Variants in CXCR4 observed in about 807,000 individuals in gnomAD.
CXCR4 encodes the protein C-X-C motif chemokine receptor 4.
In CXCR4, 6 loss-of-function variants were observed where a neutral mutation model predicts 22.4. The observed-to-expected ratio is 0.27, with a 90% confidence interval of 0.15 to 0.53. The LOEUF (loss-of-function observed/expected upper bound fraction) is 0.53, where lower values mean the gene tolerates loss of function less well. Among genes scored for constraint, CXCR4 ranks in the 20% least tolerant of loss-of-function variants. The probability of loss-of-function intolerance (pLI) is 0.96; values close to 1 mark genes in which losing one functional copy is unlikely to be tolerated. For synonymous variants in CXCR4, 155 were observed against 171.7 expected, an observed-to-expected ratio of 0.90 and a Z score of 0.76; for missense variants, 300 against 430.4, an observed-to-expected ratio of 0.70 and a Z score of 2.68.
At position 136,114,397 on chromosome 2, in the gene CXCR4, T is replaced by C. The variant is rs1186086493; in HGVS notation, c.*472A>G. 8.7e-6 allele frequency: 2 copies of C among 230,768 alleles called. No homozygotes were observed. The highest frequency in any genetic ancestry group is 4.5e-5 in the African/African-American group (2 of 44,804). The allele number at this position is 230,768 out of a possible 1,614,324, so 14.3% of individuals were successfully genotyped here. Reference sequence around the variant, plus strand: ...AACAACTTAATACAAGACTGTACACTGTAGGTGCTGAAATCAACCCACTCC... The same window carrying C: ...AACAACTTAATACAAGACTGTACACCGTAGGTGCTGAAATCAACCCACTCC... On this transcript the variant is annotated 3_prime_UTR_variant, in exon 2 of 2. Coordinates refer to ENST00000241393, the MANE Select transcript of CXCR4 (RefSeq NM_003467.3).
intron 1 of CXCR4, 51 bp downstream of exon 1, chr2:136,117,995 A>G (rs1684965978): frequency 6.3e-7 from 1 of 1,598,540 alleles, no homozygotes; most frequent in African/African-American, 1.3e-5. Context: ...GCTGCGCTCT[A>G]AGTTCAAACG....
chr2:136,115,374 A>G lies in CXCR4; in HGVS notation c.554T>C (p.Ile185Thr), dbSNP rs748827835. The change falls in exon 2 of 2, where the codon ATC becomes ACC. Residue 185 changes from isoleucine (I) to threonine (T), a missense_variant. By Grantham distance (89) the Ile-to-Thr change is moderately conservative. Coordinates refer to ENST00000241393, the MANE Select transcript of CXCR4 (RefSeq NM_003467.3). This position sits in a 1 kb window ranked among gnomAD's most constrained non-coding sequence, Gnocchi z 6.4. ...GTCATTGGGGTAGAAGCGGTCACAG[A>G]TATATCTGTCATCTGCCTCACTGAC... The part of the protein sequence containing the change: ...ANVSEADDRY[I>T]CDRFYPNDLW... 1 of 1,614,186 alleles carries G rather than the reference A, an allele frequency of 6.2e-7. No individual in the cohort carries two copies. Among genetic ancestry groups the G allele is most frequent in the East Asian group, 2.2e-5 (1 of 44,886 alleles).
intron 1 of CXCR4, 164 bp downstream of exon 1, chr2:136,117,882 A>ACCCCCCCCCCCCCCCC: frequency 9.0e-6 from 1 of 110,668 alleles, no homozygotes; most frequent in Non-Finnish European, 1.8e-5. Flanking sequence ...CCCCCCACCC[A>ACCCCCCCCCCCCCCCC]CCCGCACTAT....
At chr2:136,117,346 C>G (rs1464595599) in intron 1 of CXCR4, among the ~76,000 whole-genome samples, 1 of 19,376 alleles carries the variant, frequency 5.2e-5, no homozygotes, top group Non-Finnish European at 9.6e-5. Flanking sequence ...GCGCTTCGGA[C>G]GGCGGGAAGG....
chr2:136,117,962 C>T, intron 1 of CXCR4, 84 bp downstream of exon 1: 15 of 1,378,610 alleles, frequency 1.1e-5, no homozygotes, highest in Non-Finnish European at 1.5e-5. Flanking sequence ...ATGTCCTGGC[C>T]GCTTCTGCCC....
At position 136,115,434 on chromosome 2, in the gene CXCR4, A is replaced by T. The variant is rs1558836549; in HGVS notation, c.494T>A (p.Leu165His). The T allele has an allele frequency of 5.6e-6, 9 of 1,614,198 alleles. No homozygotes were observed. The highest frequency in any genetic ancestry group is 6.8e-6 in the Non-Finnish European group (8 of 1,180,024). Residue 165 changes from leucine (L) to histidine (H), a missense_variant, in exon 2 of 2, where the codon CTC becomes CAC. Around this residue, in one of 3 missense-constraint regions of CXCR4, gnomAD observed 137 missense variants for 153.2 expected, o/e 0.89. Transcript: ENST00000241393. The surrounding 1 kb of genome is among the most constrained non-coding windows in gnomAD (Gnocchi z 6.4). ...VVYVGVWIPA[L>H]LLTIPDFIFA... The stretch of plus-strand genomic sequence containing the variant: ...GATGAAGTCGGGAATAGTCAGCAGG[A>T]GGGCAGGGATCCAGACGCCAACATA...
rs138012748 is a variant in CXCR4, at chr2:136,114,632, C to T, written c.*237G>A. Reference sequence around the variant, plus strand: ...AGTTCCCTTTTCTACAGTCCTACCACGAGACATACAGCAACTAAGAACTTG... The same window carrying T: ...AGTTCCCTTTTCTACAGTCCTACCATGAGACATACAGCAACTAAGAACTTG... On this transcript the variant is annotated 3_prime_UTR_variant, in exon 2 of 2. Coordinates refer to ENST00000241393, the MANE Select transcript of CXCR4 (RefSeq NM_003467.3). The T allele has an allele frequency of 1.4e-5, 6 of 423,654 alleles. No individual in the cohort carries two copies. The highest frequency in any genetic ancestry group is 4.0e-5 in the Admixed American group (1 of 24,834). The allele number at this position is 423,654 out of a possible 1,614,324, so 26.2% of individuals were successfully genotyped here. A position where few individuals can be genotyped will look rare whatever the true frequency, so the allele number is the denominator to read the frequency against.
chr2:136,116,752 C>G (rs1684906422), intron 1 of CXCR4, among the ~76,000 whole-genome samples: 1 of 152,184 alleles, frequency 6.6e-6, no homozygotes, highest in Non-Finnish European at 1.5e-5. Context: ...TTTCCTCACT[C>G]TCCCGGGTGG....
chr2:136,117,775 G>A (rs950058273), intron 1 of CXCR4: 3 of 457,650 alleles, frequency 6.6e-6, no homozygotes, highest in African/African-American at 2.0e-5. Context: ...GCCGCCGCGC[G>A]CGGCGGGACT....
At position 136,118,092 on chromosome 2, in the gene CXCR4, A is replaced by G; in HGVS notation, c.-32T>C. The G allele has an allele frequency of 6.2e-7, 1 of 1,611,706 alleles. No homozygotes were observed. Among genetic ancestry groups the G allele is most frequent in the South Asian group, 1.1e-5 (1 of 90,880 alleles). On this transcript the variant is annotated 5_prime_UTR_variant, in exon 1 of 2. Coordinates refer to ENST00000241393, the MANE Select transcript of CXCR4 (RefSeq NM_003467.3). ...CGCTGGTTCTCCAGATGCGGTGGCT[A>G]CTGGAGCACTCAGGCCCTCGGCGTC...
chr2:136,117,190 C>T (rs982963038), intron 1 of CXCR4, among the ~76,000 whole-genome samples: 2 of 152,156 alleles, frequency 1.3e-5, no homozygotes, highest in African/African-American at 2.4e-5. Flanking sequence ...CCGCCCCTCA[C>T]CCCGTACCCG....
At chr2:136,117,317 G>C (rs1684926573) in intron 1 of CXCR4, among the ~76,000 whole-genome samples, 1 of 150,536 alleles carries the variant, frequency 6.6e-6, no homozygotes. Context: ...GGACCCACTC[G>C]CGGCCGTGGG....
rs1235709517 is a variant in CXCR4, at chr2:136,114,591, A to G, written c.*278T>C. The G allele has an allele frequency of 6.1e-6, 2 of 329,200 alleles. No individual in the cohort carries two copies. Among genetic ancestry groups the G allele is most frequent in the African/African-American group, 4.2e-5 (2 of 47,144 alleles). The allele number at this position is 329,200 out of a possible 1,614,324, so 20.4% of individuals were successfully genotyped here. On this transcript the variant is annotated 3_prime_UTR_variant, in exon 2 of 2. Transcript: ENST00000241393. ...TTTCTAGCTTTACGTGATTCACTACACGCTCTGGAATGTTCAGTTCCCTTT... is the reference window on the plus strand; with the variant it reads ...TTTCTAGCTTTACGTGATTCACTACGCGCTCTGGAATGTTCAGTTCCCTTT...
chr2:136,115,428 A>G lies in CXCR4; in HGVS notation c.500T>C (p.Leu167Pro). 1 of 1,614,230 alleles carries G rather than the reference A, an allele frequency of 6.2e-7. No individual in the cohort carries two copies. Among genetic ancestry groups the G allele is most frequent in the Non-Finnish European group, 8.5e-7 (1 of 1,180,044 alleles). The change falls in exon 2 of 2, where the codon CTG (leucine) becomes CCG (proline). Residue 167 changes from leucine to proline, a missense_variant. Leu to Pro is a moderately conservative substitution (Grantham distance 98). Coordinates refer to ENST00000241393, the MANE Select transcript of CXCR4 (RefSeq NM_003467.3). The surrounding 1 kb of genome is among the most constrained non-coding windows in gnomAD (Gnocchi z 6.4). ...GGCAAAGATGAAGTCGGGAATAGTC[A>G]GCAGGAGGGCAGGGATCCAGACGCC... is the stretch of plus-strand genomic sequence containing the variant. The part of the protein sequence containing the change: ...YVGVWIPALL[L>P]TIPDFIFANV...
chr2:136,114,844 T>C lies in CXCR4; in HGVS notation c.*25A>G. The C allele has an allele frequency of 6.4e-7, 1 of 1,564,684 alleles. No homozygotes were observed. The highest frequency in any genetic ancestry group is 1.4e-5 in the African/African-American group (1 of 73,274). On this transcript the variant is annotated 3_prime_UTR_variant, in exon 2 of 2. Transcript: ENST00000241393. ...ACTTAAAAAAAAGTTATTTATCGTATAAAAAAAAGTCTTTTACATCTGTGT... is the reference window on the plus strand; with the variant it reads ...ACTTAAAAAAAAGTTATTTATCGTACAAAAAAAAGTCTTTTACATCTGTGT...
chr2:136,115,753 C>G lies in CXCR4; in HGVS notation c.175G>C (p.Val59Leu), dbSNP rs1314188521. Residue 59 changes from valine (V) to leucine (L), a missense_variant, in exon 2 of 2, where the codon GTC becomes CTC. Val to Leu is a conservative substitution (Grantham distance 32, BLOSUM62 1). Around this residue, in one of 3 missense-constraint regions of CXCR4, gnomAD observed 118 missense variants for 188.2 expected, o/e 0.63. Coordinates refer to ENST00000241393, the MANE Select transcript of CXCR4 (RefSeq NM_003467.3). This position sits in a 1 kb window ranked among gnomAD's most constrained non-coding sequence, Gnocchi z 6.4. Reference sequence around the variant, plus strand: ...TTCTGGTAACCCATGACCAGGATGACCAATCCATTGCCCACAATGCCAGTT... The same window carrying G: ...TTCTGGTAACCCATGACCAGGATGAGCAATCCATTGCCCACAATGCCAGTT... ...FLTGIVGNGL[V>L]ILVMGYQKKL... 2.5e-6 allele frequency: 4 copies of G among 1,614,100 alleles called. No individual in the cohort carries two copies. Among genetic ancestry groups the G allele is most frequent in the Admixed American group, 1.7e-5 (1 of 60,010 alleles).
chr2:136,117,764 A>G, intron 1 of CXCR4: 1 of 437,842 alleles, frequency 2.3e-6, no homozygotes, highest in Admixed American at 4.2e-5. Context: ...ACAGCGTGCA[A>G]GCCGCCGCGC....
Position 136,114,621 on chromosome 2 carries a change from C to T in CXCR4, c.*248G>A. Reference sequence around the variant, plus strand: ...CTGGAATGTTCAGTTCCCTTTTCTACAGTCCTACCACGAGACATACAGCAA... The same window carrying T: ...CTGGAATGTTCAGTTCCCTTTTCTATAGTCCTACCACGAGACATACAGCAA... On this transcript the variant is annotated 3_prime_UTR_variant, in exon 2 of 2. Transcript: ENST00000241393. 1 of 387,202 alleles carries T rather than the reference C, an allele frequency of 2.6e-6. No individual in the cohort carries two copies. Among genetic ancestry groups the T allele is most frequent in the Non-Finnish European group, 4.7e-6 (1 of 213,948 alleles). The allele number at this position is 387,202 out of a possible 1,614,324, so 24.0% of individuals were successfully genotyped here.
intron 1 of CXCR4, among the ~76,000 whole-genome samples, chr2:136,116,849 G>A (rs1020319542): frequency 5.9e-5 from 9 of 152,134 alleles, no homozygotes; most frequent in African/African-American, 2.2e-4. Context: ...CGGGGGGCCG[G>A]GTCGTCCAGC....
Sources: gnomAD v4.1 joint callset for allele counts (sites outside exome capture counted in the v4.1 genomes callset) on GRCh38, gnomAD v4.1.1 for gene constraint, gnomAD v4.1.1 regional missense constraint, Gnocchi (gnomAD v3.1) non-coding constraint, MANE v1.5 for transcripts, NCBI Gene and HGNC (gene_info 2026-07-23, HGNC 2026-07-21) for gene names.